Variants in SHC2 observed in about 807,000 individuals in gnomAD.
SHC2 encodes the protein SHC adaptor protein 2.
A neutral mutation model predicts 60.6 loss-of-function variants in SHC2; 62 were observed. That is an observed-to-expected ratio of 1.02 (90% CI 0.83 to 1.26). The LOEUF is 1.26. SHC2 is among the 50% of genes most tolerant of loss of function. SHC2 has a pLI of 0.00. For synonymous variants in SHC2, 375 were observed against 372.4 expected, an observed-to-expected ratio of 1.01 and a Z score of -0.08; for missense variants, 873 against 822.2, an observed-to-expected ratio of 1.06 and a Z score of -0.76.
At chr19:444,799 T>C (rs1357002263) in intron 1 of SHC2, among the ~76,000 whole-genome samples, 2 of 152,192 alleles carry the variant, frequency 1.3e-5, no homozygotes, top group Non-Finnish European at 2.9e-5. Flanking sequence ...AACACCTCGC[T>C]AACTCAGGGC....
intron 1 of SHC2, among the ~76,000 whole-genome samples, chr19:451,372 C>T (rs922934418): frequency 1.1e-5 from 1 of 93,540 alleles, no homozygotes; most frequent in African/African-American, 1.1e-4. Flanking sequence ...TGGATGGCCA[C>T]GCCGTGGGCC....
At chr19:452,496 TG>T (rs1418149362) in intron 1 of SHC2, among the ~76,000 whole-genome samples, 2 of 129,788 alleles carry the variant, frequency 1.5e-5, no homozygotes, top group Admixed American at 7.8e-5. Flanking sequence ...CGTACTGACT[TG>T]GGGGGAGTTC....
In SHC2 at chr19:417,988, G is replaced by A. The variant is rs1039015762; in HGVS notation, c.*6-666C>T. Among the ~76,000 whole-genome samples the A allele has an allele frequency of 3.4e-5, 5 of 147,132 alleles. 1 individual carries two copies. Among genetic ancestry groups the A allele is most frequent in the East Asian group, 2.1e-4 (1 of 4,828 alleles). On this transcript the variant is annotated intron_variant, in intron 12 of 12. Transcript: ENST00000264554. ...CCCCTGCCGGCCCTCCCTCCTCCCC[G>A]GCTGCTCTCTCAGCCTTCACTCCCT...
Position 460,885 on chromosome 19 carries a change from C to A in SHC2, c.112G>T (p.Ala38Ser). Reference protein sequence around the residue: ...LLPRMPQWKFAAPGGFLGRGP... With the variant: ...LLPRMPQWKFSAPGGFLGRGP... ...CGGCCCAGGAAGCCGCCCGGGGCCG[C>A]GAACTTCCACTGCGGCATTCGGGGC... The change falls in exon 1 of 13, where the codon GCG becomes TCG. Residue 38 changes from alanine to serine, a missense_variant. Physicochemically the swap from Ala to Ser is moderately conservative, Grantham distance 99. Transcript: ENST00000264554. The A allele has an allele frequency of 5.0e-6, 5 of 990,710 alleles. No individual in the cohort carries two copies. The highest frequency in any genetic ancestry group is 6.0e-6 in the Non-Finnish European group (5 of 834,792). The allele number at this position is 990,710 out of a possible 1,614,324, so 61.4% of individuals were successfully genotyped here. A position where few individuals can be genotyped will look rare whatever the true frequency, so the allele number is the denominator to read the frequency against.
At chr19:417,891 T>C (rs1974189024) in intron 12 of SHC2, among the ~76,000 whole-genome samples, 1 of 152,048 alleles carries the variant, frequency 6.6e-6, no homozygotes, top group African/African-American at 2.4e-5. Flanking sequence ...AAGGAGACCG[T>C]TGTCATGGGG....
chr19:457,335 A>AC (rs111745438), intron 1 of SHC2, among the ~76,000 whole-genome samples: 9 of 55,018 alleles, frequency 1.6e-4, no homozygotes, highest in Non-Finnish European at 2.6e-4. Flanking sequence ...CTGTCTGCAA[A>AC]CCCACCATAT....
In SHC2 at chr19:435,975, G is replaced by A. The variant is rs554470836; in HGVS notation, c.953+190C>T. 3.2e-5 allele frequency: 19 copies of A among 601,638 alleles called. No individual in the cohort carries two copies. The South Asian group carries it at 3.9e-4, about 12-fold the overall frequency. The allele number at this position is 601,638 out of a possible 1,614,324, so 37.3% of individuals were successfully genotyped here. ...TCCTCCCCAATCCTGGGGGGCAGGCGGGGATGCGTTTACTCGGGTGTTAAC... is the reference window on the plus strand; with the variant it reads ...TCCTCCCCAATCCTGGGGGGCAGGCAGGGATGCGTTTACTCGGGTGTTAAC... On this transcript the variant is annotated intron_variant, in intron 7 of 12. Transcript: ENST00000264554.
Position 440,572 on chromosome 19 carries a change from C to T in SHC2, c.539+290G>A, listed in dbSNP as rs951878310. On this transcript the variant is annotated intron_variant, in intron 2 of 12. Transcript: ENST00000264554. The surrounding 1 kb of genome is among the most constrained non-coding windows in gnomAD (Gnocchi z 7.0). ...CTGGGCCCCGGTCCCAGAGGGAACC[C>T]GCCAGGCCCTGCACCCCACGCCGTG... is the stretch of plus-strand genomic sequence containing the variant. Among the ~76,000 whole-genome samples, 9 of 152,174 alleles carry T rather than the reference C, an allele frequency of 5.9e-5. No individual in the cohort carries two copies. The highest frequency in any genetic ancestry group is 7.4e-5 in the Non-Finnish European group (5 of 68,018).
chr19:435,330 C>T (rs1370258175), intron 7 of SHC2, among the ~76,000 whole-genome samples: 1 of 152,234 alleles, frequency 6.6e-6, no homozygotes, highest in Admixed American at 6.5e-5. Context: ...CCCACCTGGC[C>T]CACAGTCGCT....
chr19:418,296 G>A (rs974485934), intron 12 of SHC2, among the ~76,000 whole-genome samples: 1 of 152,204 alleles, frequency 6.6e-6, no homozygotes, highest in Admixed American at 6.5e-5. Context: ...CACGCCGCAG[G>A]GGTCCACAAA....
intron 2 of SHC2, 40 bp from the exon 3 acceptor site, chr19:439,070 G>A: frequency 6.8e-7 from 1 of 1,475,208 alleles, no homozygotes; most frequent in Non-Finnish European, 9.3e-7. Context: ...TGTGGTGGGG[G>A]TGGCCATGGA....
intron 1 of SHC2, 64 bp downstream of exon 1, chr19:460,465 A>T: frequency 3.5e-6 from 2 of 573,646 alleles, no homozygotes; most frequent in Non-Finnish European, 4.0e-6. Context: ...GGGGTCCCGG[A>T]GGAGAGGGTG....
In SHC2 at chr19:446,851, C is replaced by G. The variant is rs932504801; in HGVS notation, c.469-5919G>C. Among the ~76,000 whole-genome samples the G allele has an allele frequency of 6.6e-6, 1 of 152,170 alleles. No homozygotes were observed. Among genetic ancestry groups the G allele is most frequent in the Non-Finnish European group, 1.5e-5 (1 of 68,030 alleles). ...GATGGCACCTGGCCGGCCTCACGCA[C>G]GCAGCAGGCCAGGGCAGATACAAGC... is the stretch of plus-strand genomic sequence containing the variant. On this transcript the variant is annotated intron_variant, in intron 1 of 12. Coordinates refer to ENST00000264554, the MANE Select transcript of SHC2 (RefSeq NM_012435.3). This position sits in a 1 kb window ranked among gnomAD's most constrained non-coding sequence, Gnocchi z 5.4.
At chr19:429,832 C>G (rs892359379) in intron 9 of SHC2, among the ~76,000 whole-genome samples, 14 of 148,134 alleles carry the variant, frequency 9.5e-5, no homozygotes, top group Non-Finnish European at 1.5e-4. Flanking sequence ...TGACACAGTA[C>G]CTATACCCAA....
rs1283116300 is a variant in SHC2 at position 460,999 on chromosome 19, C to G, written c.-3G>C. ...CGCCCGCCCGGACCCTGCGTCATGG[C>G]CGCGGCCGCCCGACGGAGCCCGACC... On this transcript the variant is annotated 5_prime_UTR_variant, in exon 1 of 13. Transcript: ENST00000264554. The G allele has an allele frequency of 1.3e-5, 12 of 954,806 alleles. No homozygotes were observed. The highest frequency in any genetic ancestry group is 4.7e-5 in the South Asian group (1 of 21,490). The allele number at this position is 954,806 out of a possible 1,614,324, so 59.1% of individuals were successfully genotyped here.
chr19:457,516 A>G (rs1168313812), intron 1 of SHC2, among the ~76,000 whole-genome samples: 1 of 152,138 alleles, frequency 6.6e-6, no homozygotes, highest in East Asian at 1.9e-4. Flanking sequence ...AGCCGCTACC[A>G]GAACCTATTT....
intron 1 of SHC2, among the ~76,000 whole-genome samples, chr19:450,690 G>A (rs1032569619): frequency 1.3e-4 from 20 of 152,094 alleles, no homozygotes; most frequent in Admixed American, 5.9e-4. Flanking sequence ...TGGCCGCGTC[G>A]TATTTCAGCG....
chr19:459,922 C>T (rs117515032), intron 1 of SHC2, among the ~76,000 whole-genome samples: 2,230 of 152,290 alleles, frequency 0.015, 20 homozygotes, highest in African/African-American at 0.017. Flanking sequence ...GAGGGGCAGA[C>T]CCGTCAGCAG....
At chr19:431,487 G>A (rs1434843368) in intron 8 of SHC2, among the ~76,000 whole-genome samples, 4 of 37,590 alleles carry the variant, frequency 1.1e-4, no homozygotes, top group Non-Finnish European at 1.7e-4. Context: ...AGAGGAGGCC[G>A]GGCAGATGGC....
Sources: allele counts gnomAD v4.1 joint callset (sites outside exome capture counted in the v4.1 genomes callset), GRCh38; gene constraint gnomAD v4.1.1; non-coding constraint Gnocchi (gnomAD v3.1); transcripts MANE v1.5; gene names NCBI Gene and HGNC (gene_info 2026-07-23, HGNC 2026-07-21).